MAF: variants seen among roughly 807,000 people sequenced by gnomAD.
MAF encodes the protein transcription factor Maf.
MAF carries 10 observed loss-of-function variants against 22.0 expected under a neutral mutation model. The ratio of observed to expected loss-of-function variants is 0.45; its 90% CI spans 0.28 to 0.77. The LOEUF (loss-of-function observed/expected upper bound fraction) is 0.77. Among genes scored for constraint, MAF ranks in the 30% least tolerant of loss-of-function variants. The pLI, the probability that MAF is intolerant of heterozygous loss-of-function variation, is 0.12. For synonymous variants in MAF, 337 were observed against 255.8 expected (o/e 1.32, Z -3.03); for missense variants, 544 against 548.4 (o/e 0.99, Z 0.08).
chr16:79,594,377 A>C lies in MAF; in HGVS notation c.*83T>G. On this transcript the variant is annotated 3_prime_UTR_variant, in exon 2 of 2. Coordinates refer to ENST00000326043, the MANE Select transcript of MAF (RefSeq NM_005360.5). ...TTTATTTAAAAAGGAGACTAAACAG[A>C]AGTCAGGGGTAGGTGGTTCTCCATG... 8.4e-7 allele frequency: 1 copy of C among 1,191,970 alleles called. No individual in the cohort carries two copies. Among genetic ancestry groups the C allele is most frequent in the South Asian group, 1.3e-5 (1 of 76,320 alleles). The allele number at this position is 1,191,970 out of a possible 1,614,324, so 73.8% of individuals were successfully genotyped here.
At chr16:79,429,898 G>A in the MAF span, among the ~76,000 whole-genome samples, 2 of 152,134 alleles carry the variant, frequency 1.3e-5, no homozygotes, top group African/African-American at 4.8e-5. Context: ...AGGTCTTGCT[G>A]GATGAATCTA....
chr16:79,582,710 G>C (rs775133137), downstream of MAF, among the ~76,000 whole-genome samples: 1 of 152,206 alleles, frequency 6.6e-6, no homozygotes, highest in Non-Finnish European at 1.5e-5. Context: ...AAATGAAATT[G>C]TTTGGCCTTA....
chr16:79,415,443 G>T, the MAF span, among the ~76,000 whole-genome samples: 81 of 152,036 alleles, frequency 5.3e-4, no homozygotes, highest in African/African-American at 1.6e-3. Flanking sequence ...GGTGGTTCAG[G>T]ACTCTAGCCA....
At chr16:79,332,488 TAG>T in the MAF span, among the ~76,000 whole-genome samples, 1 of 152,156 alleles carries the variant, frequency 6.6e-6, no homozygotes. Flanking sequence ...TTTGTAGAGA[TAG>T]AGTTTCGCCA....
At chr16:79,240,385 A>C in the MAF span, among the ~76,000 whole-genome samples, 2 of 149,630 alleles carry the variant, frequency 1.3e-5, no homozygotes, top group African/African-American at 4.9e-5. Flanking sequence ...GCCCTACAAC[A>C]CTTCAACTAC....
At chr16:79,323,022 C>A in the MAF span, among the ~76,000 whole-genome samples, 727 of 151,402 alleles carry the variant, frequency 4.8e-3, 4 homozygotes, top group African/African-American at 0.017. Context: ...TGGTGGCAAG[C>A]GCCTGTAGTC....
At chr16:79,456,489 C>T in the MAF span, among the ~76,000 whole-genome samples, 1 of 152,114 alleles carries the variant, frequency 6.6e-6, no homozygotes, top group African/African-American at 2.4e-5. Flanking sequence ...CAGTGGGATC[C>T]CCTTACATTC....
chr16:79,271,901 A>C, the MAF span, among the ~76,000 whole-genome samples: 1 of 152,124 alleles, frequency 6.6e-6, no homozygotes, highest in East Asian at 1.9e-4. Flanking sequence ...AATCTCCCTG[A>C]CCCCTCTGCC....
the MAF span, among the ~76,000 whole-genome samples, chr16:79,323,806 C>G: frequency 6.6e-6 from 1 of 152,272 alleles, no homozygotes; most frequent in Middle Eastern, 3.4e-3. Context: ...CCTGCAATCC[C>G]AGGGGAAGGA....
chr16:79,457,562 A>G, the MAF span, among the ~76,000 whole-genome samples: 1 of 152,188 alleles, frequency 6.6e-6, no homozygotes, highest in African/African-American at 2.4e-5. Context: ...TAGTGGAGCT[A>G]TGAAAACCAA....
At chr16:79,542,881 C>T in the MAF span, among the ~76,000 whole-genome samples, 1 of 152,274 alleles carries the variant, frequency 6.6e-6, no homozygotes, top group Non-Finnish European at 1.5e-5. Flanking sequence ...AAGTTAGACT[C>T]TGGGTGGTTT....
the MAF span, among the ~76,000 whole-genome samples, chr16:79,535,586 C>CTTTTTTTT: frequency 5.4e-5 from 7 of 130,590 alleles, 3 homozygotes; most frequent in Non-Finnish European, 1.6e-5. Context: ...ATTGCTTCTT[C>CTTTTTTTT]TTTTTTTTTT....
At chr16:79,580,600 A>T in the MAF span, among the ~76,000 whole-genome samples, 14 of 152,218 alleles carry the variant, frequency 9.2e-5, no homozygotes, top group Admixed American at 7.8e-4. Context: ...GCTTGGAGGG[A>T]GAACAGCTGG....
the MAF span, among the ~76,000 whole-genome samples, chr16:79,261,944 G>A: frequency 6.6e-6 from 1 of 152,150 alleles, no homozygotes; most frequent in African/African-American, 2.4e-5. Context: ...CATCTCTTAA[G>A]TTGCTCATAT....
chr16:79,537,272 A>G, the MAF span, among the ~76,000 whole-genome samples: 1 of 152,242 alleles, frequency 6.6e-6, no homozygotes, highest in African/African-American at 2.4e-5. Flanking sequence ...TGAGGCTGCA[A>G]CAAAAGTATA....
the MAF span, among the ~76,000 whole-genome samples, chr16:79,410,415 G>A: frequency 2.0e-5 from 3 of 152,320 alleles, no homozygotes; most frequent in South Asian, 2.1e-4. Context: ...GAGCAACTGC[G>A]AACACACTCC....
chr16:79,312,034 C>T, the MAF span, among the ~76,000 whole-genome samples: 1 of 152,094 alleles, frequency 6.6e-6, no homozygotes, highest in Admixed American at 6.6e-5. Flanking sequence ...GCTTGCAAAA[C>T]TCTCAATCTC....
chr16:79,441,475 C>T, the MAF span, among the ~76,000 whole-genome samples: 1 of 152,118 alleles, frequency 6.6e-6, no homozygotes, highest in African/African-American at 2.4e-5. Context: ...GTGAAAGTGG[C>T]CACAGACAAC....
the MAF span, among the ~76,000 whole-genome samples, chr16:79,378,325 G>C: frequency 6.6e-6 from 1 of 152,094 alleles, no homozygotes; most frequent in Admixed American, 6.6e-5. Context: ...CATAGATGAA[G>C]TTCAAAAGCA....
Sources: gnomAD v4.1 joint callset for allele counts (sites outside exome capture counted in the v4.1 genomes callset) on GRCh38, gnomAD v4.1.1 for gene constraint, MANE v1.5 for transcripts, NCBI Gene and HGNC (gene_info 2026-07-23, HGNC 2026-07-21) for gene names.